Variants in PLEC observed in about 807,000 individuals in gnomAD.
The protein encoded by PLEC is plectin.
A neutral mutation model predicts 392.8 loss-of-function variants in PLEC; 216 were observed. That is an observed-to-expected ratio of 0.55 (90% CI 0.49 to 0.62). PLEC has a LOEUF of 0.62. PLEC is among the 20% of genes least tolerant of loss of function. PLEC has a pLI of 0.00. For missense variants in PLEC, 6,863 were observed against 6,563.4 expected, an observed-to-expected ratio of 1.05 and a Z score of -1.58; for synonymous variants, 3,621 against 2,980.6, an observed-to-expected ratio of 1.21 and a Z score of -7.00.
At chr8:143,953,809 G>A (rs1832434100), upstream of PLEC, 1 of 1,610,784 alleles carries the variant, frequency 6.2e-7, no homozygotes, top group Non-Finnish European at 8.5e-7. Context: ...GCCACCACCA[G>A]GCAGAGTCCA....
At position 143,923,514 on chromosome 8, in the gene PLEC, G is replaced by A. The variant is rs782717631; in HGVS notation, c.6415C>T (p.Arg2139Cys). The change falls in exon 31 of 32, where the codon CGC (arginine) becomes TGC (cysteine). Residue 2139 changes from arginine (R) to cysteine (C), a missense_variant. Arg to Cys is a radical substitution (Grantham distance 180). Coordinates refer to ENST00000345136, the MANE Select transcript of PLEC (RefSeq NM_201384.3). The part of the protein sequence containing the change: ...AQAQAAAEKL[R>C]KEAEQEAARR... ...GCCGCCTCTTGCTCGGCCTCCTTGCGCAGCTTCTCTGCAGCCGCCTGTGCC... is the reference window on the plus strand; with the variant it reads ...GCCGCCTCTTGCTCGGCCTCCTTGCACAGCTTCTCTGCAGCCGCCTGTGCC... 6.3e-6 allele frequency: 10 copies of A among 1,596,598 alleles called. No homozygotes were observed. Among genetic ancestry groups the A allele is most frequent in the Middle Eastern group, 1.7e-4 (1 of 6,008 alleles).
rs781925230 is a variant in PLEC, at chr8:143,924,432, G to C, written c.5497C>G (p.Arg1833Gly). 6.3e-7 allele frequency: 1 copy of C among 1,581,610 alleles called. No homozygotes were observed. Among genetic ancestry groups the C allele is most frequent in the Admixed American group, 1.7e-5 (1 of 58,772 alleles). ...GCGGCCAGCTTCTCCGCAAGCACCC[G>C]CTCCGCCTCGGCCCGCTGCCGCGCC... ...DAARQRAEAE[R>G]VLAEKLAAIG... is the part of the protein sequence containing the mutation. The change falls in exon 31 of 32, where the codon CGG (arginine) becomes GGG (glycine). Residue 1833 changes from arginine (R) to glycine (G), a missense_variant. Coordinates refer to ENST00000345136, the MANE Select transcript of PLEC (RefSeq NM_201384.3).
At position 143,923,706 on chromosome 8, in the gene PLEC, C is replaced by T. The variant is rs782650726; in HGVS notation, c.6223G>A (p.Val2075Met). Residue 2075 changes from valine (V) to methionine (M), a missense_variant, in exon 31 of 32, where the codon GTG becomes ATG. Physicochemically the swap from Val to Met is conservative, Grantham distance 21 (BLOSUM62 1). Coordinates refer to ENST00000345136, the MANE Select transcript of PLEC (RefSeq NM_201384.3). ...GCCTCGCCGCGCAGCTGGTCCAGCACGCTCTGCTCCTGCTGCAGCGTCTGC... is the reference window on the plus strand; with the variant it reads ...GCCTCGCCGCGCAGCTGGTCCAGCATGCTCTGCTCCTGCTGCAGCGTCTGC... ...LQQTLQQEQS[V>M]LDQLRGEAEA... 47 of 1,545,160 alleles carry T rather than the reference C, an allele frequency of 3.0e-5. No individual in the cohort carries two copies. The highest frequency in any genetic ancestry group is 1.7e-4 in the Middle Eastern group (1 of 5,916).
chr8:143,949,968 C>T (rs1447903854), intron 1 of PLEC, among the ~76,000 whole-genome samples: 1 of 152,160 alleles, frequency 6.6e-6, no homozygotes, highest in Non-Finnish European at 1.5e-5. Context: ...TTGGCCTACA[C>T]ACCCGAAGGT....
chr8:143,950,503 G>A, exon 1 of PLEC: 4 of 1,608,462 alleles, frequency 2.5e-6, no homozygotes, highest in Non-Finnish European at 2.5e-6. Flanking sequence ...AGTAAAAGTG[G>A]CACCAGGCAA....
rs566710486 is a variant in PLEC, at chr8:143,946,196, C to G, written c.523+3988G>C. ...GTGCTTCCGGGACACACATCACACA[C>G]ACCCCTGGGGCAGCTCCGAGAGGGG... is the stretch of plus-strand genomic sequence containing the variant. On this transcript the variant is annotated intron_variant, in intron 1 of 31. Coordinates refer to the PLEC transcript ENST00000322810. 3.3e-5 allele frequency among the ~76,000 whole-genome samples: 5 copies of G among 152,362 alleles called. No individual in the cohort carries two copies. The East Asian group carries it at 9.6e-4, about 29-fold the overall frequency.
chr8:143,920,882 A>T lies in PLEC; in HGVS notation c.8939T>A (p.Leu2980Gln). 6.2e-6 allele frequency: 10 copies of T among 1,611,318 alleles called. No individual in the cohort carries two copies. Among genetic ancestry groups the T allele is most frequent in the Non-Finnish European group, 8.5e-6 (10 of 1,179,952 alleles). ...CTCCAGCAGCTCGGCGGCTGGCACCAGGCTGCGCAGGCCCTCAAAGCAAAG... is the reference window on the plus strand; with the variant it reads ...CTCCAGCAGCTCGGCGGCTGGCACCTGGCTGCGCAGGCCCTCAAAGCAAAG... ...GRLCFEGLRS[L>Q]VPAAELLESR... The change falls in exon 32 of 32, where the codon CTG becomes CAG. Residue 2980 changes from leucine to glutamine, a missense_variant. Leu to Gln is a moderately radical substitution (Grantham distance 113). Coordinates refer to ENST00000345136, the MANE Select transcript of PLEC (RefSeq NM_201384.3).
rs1554713831 is a variant in PLEC at position 143,930,434 on chromosome 8, T to A, written c.2407A>T (p.Met803Leu). The A allele has an allele frequency of 6.4e-7, 1 of 1,574,150 alleles. No individual in the cohort carries two copies. The highest frequency in any genetic ancestry group is 1.2e-5 in the South Asian group (1 of 86,814). ...GCCAGCAGGGGCAGGCGGCCCCGCA[T>A]GGGGTGGGCTGGGTGGCGGGGCTTC... The part of the protein sequence containing the change: ...QLKPRHPAHP[M>L]RGRLPLLAVC... Residue 803 changes from methionine (M) to leucine (L), a missense_variant, in exon 20 of 32, where the codon ATG becomes TTG. Physicochemically the swap from Met to Leu is conservative, Grantham distance 15. Coordinates refer to ENST00000345136, the MANE Select transcript of PLEC (RefSeq NM_201384.3).
intron 30 of PLEC, among the ~76,000 whole-genome samples, 155 bp downstream of exon 30, chr8:143,926,629 C>T (rs958262847): frequency 9.9e-5 from 15 of 152,080 alleles, no homozygotes; most frequent in Non-Finnish European, 2.1e-4. Context: ...CAGCCTGGGG[C>T]AGGCTGAGCT....
In PLEC at chr8:143,922,704, G is replaced by A. The variant is rs1823279952; in HGVS notation, c.7225C>T (p.Gln2409Ter). Residue 2409 changes from glutamine to a stop codon, truncating the protein, a stop_gained, in exon 31 of 32, where the codon CAG becomes TAG. Coordinates refer to ENST00000345136, the MANE Select transcript of PLEC (RefSeq NM_201384.3). LOFTEE classifies it high-confidence loss of function. ...AEEDAQRFRK[Q>*]AEEIGEKLHR... ...AGCTTCTCACCGATCTCCTCCGCCT[G>A]CTTCCGGAAGCGCTGGGCGTCCTCC... The A allele has an allele frequency of 6.2e-7, 1 of 1,612,536 alleles. No individual in the cohort carries two copies. The highest frequency in any genetic ancestry group is 8.5e-7 in the Non-Finnish European group (1 of 1,179,848).
rs1554690228 is a variant in PLEC, at chr8:143,922,707, T to C, written c.7222A>G (p.Lys2408Glu). 1.2e-6 allele frequency: 2 copies of C among 1,612,336 alleles called. No homozygotes were observed. The highest frequency in any genetic ancestry group is 1.7e-6 in the Non-Finnish European group (2 of 1,179,774). ...RAEEDAQRFR[K>E]QAEEIGEKLH... ...TTCTCACCGATCTCCTCCGCCTGCT[T>C]CCGGAAGCGCTGGGCGTCCTCCTCA... The change falls in exon 31 of 32, where the codon AAG becomes GAG. Residue 2408 changes from lysine to glutamate, a missense_variant. Lys to Glu is a moderately conservative substitution (Grantham distance 56, BLOSUM62 1). Transcript: ENST00000345136.
rs781839381 is a variant in PLEC at position 143,920,391 on chromosome 8, C to T, written c.9430G>A (p.Val3144Met). The T allele has an allele frequency of 9.4e-6, 15 of 1,590,528 alleles. No individual in the cohort carries two copies. Among genetic ancestry groups the T allele is most frequent in the African/African-American group, 2.7e-5 (2 of 74,412 alleles). The change falls in exon 32 of 32, where the codon GTG (valine) becomes ATG (methionine). Residue 3144 changes from valine (V) to methionine (M), a missense_variant. By Grantham distance (21) the Val-to-Met change is conservative. Coordinates refer to ENST00000345136, the MANE Select transcript of PLEC (RefSeq NM_201384.3). ...LDAQLSTGGI[V>M]DPSKSHRVPL... ...ACGCGGTGGCTCTTGCTGGGGTCCA[C>T]GATGCCGCCCGTGGACAGCTGGGCG...
intron 12 of PLEC, among the ~76,000 whole-genome samples, chr8:143,933,731 G>A: frequency 6.6e-6 from 1 of 152,224 alleles, no homozygotes; most frequent in East Asian, 1.9e-4. Context: ...GCCGCTGTCG[G>A]GGAGGGGGCC....
chr8:143,944,760 C>G, intron 1 of PLEC: 1 of 1,251,148 alleles, frequency 8.0e-7, no homozygotes, highest in Non-Finnish European at 1.0e-6. Context: ...CTGGCGGCAG[C>G]GTCGGGTGGG....
At chr8:143,936,422 C>T (rs1554723417) in intron 5 of PLEC, among the ~76,000 whole-genome samples, 1 of 152,250 alleles carries the variant, frequency 6.6e-6, no homozygotes, top group Non-Finnish European at 1.5e-5. Flanking sequence ...CCCAGAACCC[C>T]CAGGCCTGGA....
intron 1 of PLEC, among the ~76,000 whole-genome samples, chr8:143,966,735 G>A (rs1389107450): frequency 2.0e-5 from 3 of 152,200 alleles, no homozygotes; most frequent in Admixed American, 1.3e-4. Context: ...CTCGGCTCGG[G>A]GGCACAGAAG....
In PLEC at chr8:143,925,100, G is replaced by A. The variant is rs1554700719; in HGVS notation, c.4829C>T (p.Ala1610Val). The change falls in exon 31 of 32, where the codon GCT becomes GTT. Residue 1610 changes from alanine to valine, a missense_variant. Transcript: ENST00000345136. ...GGCCTGCTGCTGTGCCCGCCGCTCA[G>A]CCTCCTCCCGCAGCTGTGCCACAGC... Reference protein sequence around the residue: ...HVAVAQLREEAERRAQQQAEA... With the variant: ...HVAVAQLREEVERRAQQQAEA... The A allele has an allele frequency of 1.2e-5, 19 of 1,550,842 alleles. No individual in the cohort carries two copies. The highest frequency in any genetic ancestry group is 1.6e-5 in the Non-Finnish European group (19 of 1,156,254).
At chr8:143,942,327 C>T, upstream of PLEC, 2 of 1,582,698 alleles carry the variant, frequency 1.3e-6, no homozygotes, top group South Asian at 1.1e-5. Flanking sequence ...CAGCAGAGAC[C>T]CAGCCCCACT....
At chr8:143,974,227 G>A (rs1833577986), upstream of PLEC, among the ~76,000 whole-genome samples, 1 of 152,222 alleles carries the variant, frequency 6.6e-6, no homozygotes, top group South Asian at 2.1e-4. The surrounding 1 kb of genome is among the most constrained non-coding windows in gnomAD (Gnocchi z 5.9). Context: ...TGCTGGCTGG[G>A]GGCAAAGCCT....
Sources: gnomAD v4.1 joint callset for allele counts (sites outside exome capture counted in the v4.1 genomes callset) on GRCh38, gnomAD v4.1.1 for gene constraint, Gnocchi (gnomAD v3.1) non-coding constraint, MANE v1.5 for transcripts, NCBI Gene and HGNC (gene_info 2026-07-23, HGNC 2026-07-21) for gene names.